The following WDR41 variants were observed in gnomAD, a reference collection of about 807,000 sequenced individuals.
WDR41 encodes WD repeat-containing protein 41.
Under a neutral mutation model 69.3 loss-of-function variants are expected in WDR41, and 63 were observed. The observed-to-expected ratio is 0.91, with a 90% CI of 0.74 to 1.12. WDR41 has a LOEUF of 1.12. Ranked by LOEUF, WDR41 falls within the 50% of genes most tolerant of loss-of-function variation. The pLI is 0.00. For synonymous variants in WDR41, 185 were observed against 192.1 expected (o/e 0.96, Z 0.31); for missense variants, 543 against 534.5 (o/e 1.02, Z -0.16).
intron 1 of WDR41, among the ~76,000 whole-genome samples, chr5:77,503,190 CAAAAAAAAA>C (rs144057313): frequency 2.7e-3 from 202 of 74,330 alleles, no homozygotes; most frequent in Non-Finnish European, 4.0e-3. Context: ...AAATGGAAAG[CAAAAAAAAA>C]AAAAAAAAAA....
rs188836459 is a variant in WDR41, at chr5:77,557,587, C to T, written c.42+62892G>A. On this transcript the variant is annotated intron_variant, in intron 1 of 5. Coordinates refer to the WDR41 transcript ENST00000509971. ...AATGTTAGCGTGAGCCACTAGAACACTTGTACACTTCTCATGGCAGTAGGA... is the reference window on the plus strand; with the variant it reads ...AATGTTAGCGTGAGCCACTAGAACATTTGTACACTTCTCATGGCAGTAGGA... 2.3e-3 allele frequency among the ~76,000 whole-genome samples: 347 copies of T among 152,256 alleles called. 2 individuals are homozygous for T. The highest frequency in any genetic ancestry group is 3.8e-3 in the Non-Finnish European group (258 of 68,030).
At chr5:77,552,605 A>G in intron 1 of WDR41, among the ~76,000 whole-genome samples, 1 of 152,208 alleles carries the variant, frequency 6.6e-6, no homozygotes, top group Non-Finnish European at 1.5e-5. Flanking sequence ...GAGAAGAAAG[A>G]CAAAGAAATG....
chr5:77,507,042 A>G (rs1802119974), intron 1 of WDR41, among the ~76,000 whole-genome samples: 1 of 152,246 alleles, frequency 6.6e-6, no homozygotes, highest in Non-Finnish European at 1.5e-5. Context: ...TAATTTTAAA[A>G]AAAGAAACAT....
At chr5:77,474,287 GGGT>G (rs1800779413) in intron 2 of WDR41, among the ~76,000 whole-genome samples, 1 of 152,040 alleles carries the variant, frequency 6.6e-6, no homozygotes, top group Non-Finnish European at 1.5e-5. Flanking sequence ...GCCTGTTGTG[GGGT>G]GGGGGGAGTG....
chr5:77,611,741 C>G (rs1744556645), intron 1 of WDR41, among the ~76,000 whole-genome samples: 1 of 150,980 alleles, frequency 6.6e-6, no homozygotes, highest in Non-Finnish European at 1.5e-5. Context: ...ACTAGAAAAG[C>G]AAGAGCAAAC....
At chr5:77,530,777 G>A (rs926273100) in intron 1 of WDR41, among the ~76,000 whole-genome samples, 3 of 151,664 alleles carry the variant, frequency 2.0e-5, no homozygotes, top group Non-Finnish European at 4.4e-5. Context: ...AACAAATATT[G>A]AATTCTATTT....
rs200988288 is a variant in WDR41, at chr5:77,482,859, GAA to G, written c.167+6596_167+6597del. On this transcript the variant is annotated intron_variant, in intron 2 of 12. Coordinates refer to ENST00000296679, the MANE Select transcript of WDR41 (RefSeq NM_018268.4). The stretch of plus-strand genomic sequence containing the variant: ...AGCTCTGTCCTCCCCACATCTACCT[GAA>G]AAAAAAAAAAAAAAAGCACACATCA... 2.2e-3 allele frequency among the ~76,000 whole-genome samples: 236 copies of G among 107,016 alleles called. 1 individual carries two copies. The highest frequency in any genetic ancestry group is 7.1e-3 in the African/African-American group (204 of 28,556). 70.2% of individuals were successfully genotyped at this position (107,016 alleles called of 152,430 possible). A position where few individuals can be genotyped will look rare whatever the true frequency, so the allele number is the denominator to read the frequency against.
chr5:77,585,849 A>G (rs572422439), intron 1 of WDR41, among the ~76,000 whole-genome samples: 7 of 152,314 alleles, frequency 4.6e-5, no homozygotes, highest in South Asian at 2.1e-4. Context: ...GGCGAGGGAT[A>G]AAATACTACA....
chr5:77,485,768 GCTGT>G (rs1485653831), intron 2 of WDR41, among the ~76,000 whole-genome samples: 1 of 152,130 alleles, frequency 6.6e-6, no homozygotes, highest in African/African-American at 2.4e-5. Flanking sequence ...AGAAAAGGCA[GCTGT>G]CTGTTAGGTT....
chr5:77,478,170 G>A (rs1345196451), intron 2 of WDR41, among the ~76,000 whole-genome samples: 1 of 152,158 alleles, frequency 6.6e-6, no homozygotes, highest in South Asian at 2.1e-4. Context: ...ATCTGAAATT[G>A]TGGCAATAAT....
At chr5:77,533,830 TCC>T (rs1742909596) in intron 1 of WDR41, among the ~76,000 whole-genome samples, 1 of 152,168 alleles carries the variant, frequency 6.6e-6, no homozygotes, top group Non-Finnish European at 1.5e-5. Flanking sequence ...TTTTCCGGGC[TCC>T]CTTTGCAGGG....
intron 12 of WDR41, 54 bp from the exon 13 acceptor site, chr5:77,433,341 T>C (rs1798801859): frequency 1.3e-6 from 2 of 1,534,564 alleles, no homozygotes; most frequent in South Asian, 1.2e-5. Context: ...GAGAAGTGTC[T>C]AATACCACAT....
chr5:77,619,133 C>T (rs367571371), intron 1 of WDR41, among the ~76,000 whole-genome samples: 90 of 152,232 alleles, frequency 5.9e-4, no homozygotes, highest in African/African-American at 8.7e-4. Flanking sequence ...CATTGTTTCA[C>T]GGTGATTACA....
At position 77,492,296 on chromosome 5, in the gene WDR41, C is replaced by T. The variant is rs1337928432; in HGVS notation, c.-76G>A. On this transcript the variant is annotated 5_prime_UTR_variant, in exon 1 of 13. Transcript: ENST00000296679. Reference sequence around the variant, plus strand: ...CGCCCCAGGCTCGGCCTCCTCCTTCCTCCCCGGCTGCAGCGCAACTGAGAC... The same window carrying T: ...CGCCCCAGGCTCGGCCTCCTCCTTCTTCCCCGGCTGCAGCGCAACTGAGAC... 2 of 1,586,532 alleles carry T rather than the reference C, an allele frequency of 1.3e-6. No individual in the cohort carries two copies. Among genetic ancestry groups the T allele is most frequent in the Non-Finnish European group, 1.7e-6 (2 of 1,165,420 alleles).
At chr5:77,456,160 T>C (rs1283568679) in intron 5 of WDR41, among the ~76,000 whole-genome samples, 2 of 152,206 alleles carry the variant, frequency 1.3e-5, no homozygotes, top group African/African-American at 4.8e-5. Context: ...TTTTGGTATA[T>C]AAGTCTCATA....
chr5:77,599,870 T>A (rs1268640186), intron 1 of WDR41, among the ~76,000 whole-genome samples: 2 of 152,194 alleles, frequency 1.3e-5, no homozygotes, highest in Non-Finnish European at 2.9e-5. Context: ...GGGATGATTC[T>A]GCTTACTCAA....
intron 1 of WDR41, among the ~76,000 whole-genome samples, chr5:77,508,410 G>A (rs1028852781): frequency 1.1e-4 from 17 of 152,120 alleles, no homozygotes; most frequent in African/African-American, 4.1e-4. Flanking sequence ...CACCACACCT[G>A]GCCCTTTTAT....
intron 1 of WDR41, among the ~76,000 whole-genome samples, chr5:77,517,862 A>G (rs935545882): frequency 6.6e-6 from 1 of 152,154 alleles, no homozygotes; most frequent in African/African-American, 2.4e-5. Flanking sequence ...GTTATAAAAC[A>G]AAAATACTGT....
intron 1 of WDR41, among the ~76,000 whole-genome samples, chr5:77,549,701 A>G (rs902338980): frequency 6.6e-6 from 1 of 152,210 alleles, no homozygotes; most frequent in African/African-American, 2.4e-5. Flanking sequence ...AGCCCAAAGC[A>G]ATCTATAAAT....
Sources: allele counts gnomAD v4.1 joint callset (sites outside exome capture counted in the v4.1 genomes callset), GRCh38; gene constraint gnomAD v4.1.1; transcripts MANE v1.5; gene names NCBI Gene and HGNC (gene_info 2026-07-23, HGNC 2026-07-21).